FASTKD3: variants seen among roughly 807,000 people sequenced by gnomAD.
The protein encoded by FASTKD3 is FAST kinase domains 3, also known as FAST kinase domain-containing protein 3, mitochondrial.
In FASTKD3, 47 loss-of-function variants were observed where a neutral mutation model predicts 49.7. The observed-to-expected ratio is 0.95, with a 90% CI of 0.75 to 1.21. The LOEUF (loss-of-function observed/expected upper bound fraction) is 1.21, where lower values mean the gene tolerates loss of function less well. Ranked by LOEUF, FASTKD3 falls within the 50% of genes most tolerant of loss-of-function variation. The pLI is 0.00. For synonymous variants in FASTKD3, 284 were observed against 288.6 expected (o/e 0.98, Z 0.16); for missense variants, 748 against 765.7 (o/e 0.98, Z 0.27).
chr5:7,867,585 C>T lies in FASTKD3; in HGVS notation c.499G>A (p.Glu167Lys). ...TTTGACAGCTGTGAGGGCTCCTTTT[C>T]AAACTGAAAGCATAAAGCTTGAAAG... Reference protein sequence around the residue: ...SIFQALCFQFEKEPSQLSNTS... With the variant: ...SIFQALCFQFKKEPSQLSNTS... Residue 167 changes from glutamate (E) to lysine (K), a missense_variant, in exon 2 of 7, where the codon GAA becomes AAA. Physicochemically the swap from Glu to Lys is moderately conservative, Grantham distance 56 (BLOSUM62 1). Coordinates refer to ENST00000264669, the MANE Select transcript of FASTKD3 (RefSeq NM_024091.4). The T allele has an allele frequency of 6.2e-7, 1 of 1,614,274 alleles. No homozygotes were observed. The highest frequency in any genetic ancestry group is 8.5e-7 in the Non-Finnish European group (1 of 1,180,052).
chr5:7,861,414 A>G lies in FASTKD3; in HGVS notation c.1770-151T>C, dbSNP rs1292239120. Reference sequence around the variant, plus strand: ...GAATCATGAATTTGATCTTATTAATATTAATGTTTATAAAATATTACAAGG... The same window carrying G: ...GAATCATGAATTTGATCTTATTAATGTTAATGTTTATAAAATATTACAAGG... On this transcript the variant is annotated intron_variant, in intron 5 of 6. Transcript: ENST00000264669. The G allele has an allele frequency of 5.0e-6, 3 of 603,162 alleles. No individual in the cohort carries two copies. In the African/African-American group the frequency reaches 5.7e-5, roughly 11 times the overall value. 37.4% of individuals were successfully genotyped at this position (603,162 alleles called of 1,614,324 possible). A position where few individuals can be genotyped will look rare whatever the true frequency, so the allele number is the denominator to read the frequency against.
At position 7,859,551 on chromosome 5, in the gene FASTKD3, G is replaced by C. The variant is rs898654218; in HGVS notation, c.1885-12C>G. 13 of 1,540,266 alleles carry C rather than the reference G, an allele frequency of 8.4e-6. 1 individual carries two copies. In the South Asian group the frequency reaches 1.5e-4, roughly 18 times the overall value. On this transcript the variant is annotated splice_polypyrimidine_tract_variant and intron_variant, in intron 6 of 6. Transcript: ENST00000264669. Reference sequence around the variant, plus strand: ...TCATGATAGGGGATCTGTAAAGGTAGAAAAGTAAAACTGGTCAAGATCCTT... The same window carrying C: ...TCATGATAGGGGATCTGTAAAGGTACAAAAGTAAAACTGGTCAAGATCCTT...
Position 7,866,885 on chromosome 5 carries a change from G to C in FASTKD3, c.1199C>G (p.Thr400Arg). The C allele has an allele frequency of 6.2e-7, 1 of 1,614,032 alleles. No individual in the cohort carries two copies. The highest frequency in any genetic ancestry group is 8.5e-7 in the Non-Finnish European group (1 of 1,179,984). The stretch of plus-strand genomic sequence containing the variant: ...AATCTGACGAGGTGAAAATTTTTCT[G>C]TTTGGCAAACAAAAGTTTCTGCCAC... ...NAVAETFVCQ[T>R]EKFSPRQISA... The change falls in exon 2 of 7, where the codon ACA (threonine) becomes AGA (arginine). Residue 400 changes from threonine (T) to arginine (R), a missense_variant. By Grantham distance (71) the Thr-to-Arg change is moderately conservative. Coordinates refer to ENST00000264669, the MANE Select transcript of FASTKD3 (RefSeq NM_024091.4).
In FASTKD3 at chr5:7,869,027, G is replaced by C. The variant is rs375444705; in HGVS notation, c.-162C>G. 8 of 1,356,066 alleles carry C rather than the reference G, an allele frequency of 5.9e-6. No individual in the cohort carries two copies. The South Asian group carries it at 7.0e-5, about 12-fold the overall frequency. 84.0% of individuals were successfully genotyped at this position (1,356,066 alleles called of 1,614,324 possible). A position where few individuals can be genotyped will look rare whatever the true frequency, so the allele number is the denominator to read the frequency against. ...CGGGTGGTCGCGGAAGCGCCTGGGC[G>C]TCGTGGGCCTCCGTAGCAAACGCGG... On this transcript the variant is annotated 5_prime_UTR_variant, in exon 1 of 7. Coordinates refer to ENST00000264669, the MANE Select transcript of FASTKD3 (RefSeq NM_024091.4).
intron 1 of FASTKD3, among the ~76,000 whole-genome samples, 179 bp from the exon 2 acceptor site, chr5:7,868,375 A>T (rs1391354273): frequency 6.6e-6 from 1 of 152,150 alleles, no homozygotes; most frequent in Non-Finnish European, 1.5e-5. Context: ...TTTTACTATC[A>T]TTTTACACGA....
At position 7,869,005 on chromosome 5, in the gene FASTKD3, G is replaced by A. The variant is rs772983940; in HGVS notation, c.-140C>T. The A allele has an allele frequency of 3.8e-6, 4 of 1,062,456 alleles. No homozygotes were observed. The highest frequency in any genetic ancestry group is 2.5e-5 in the South Asian group (2 of 79,490). The allele number at this position is 1,062,456 out of a possible 1,614,324, so 65.8% of individuals were successfully genotyped here. A position where few individuals can be genotyped will look rare whatever the true frequency, so the allele number is the denominator to read the frequency against. On this transcript the variant is annotated 5_prime_UTR_variant, in exon 1 of 7. Coordinates refer to ENST00000264669, the MANE Select transcript of FASTKD3 (RefSeq NM_024091.4). ...GCGCTCTGCCGGGCAATCACTCCGG[G>A]TGGTCGCGGAAGCGCCTGGGCGTCG...
chr5:7,862,765 C>T, intron 4 of FASTKD3, 58 bp downstream of exon 4: 1 of 1,440,096 alleles, frequency 6.9e-7, no homozygotes, highest in Non-Finnish European at 9.6e-7. Flanking sequence ...TCCCATATAT[C>T]TCCAAAATCG....
chr5:7,868,238 TAAA>T (rs2126622448), intron 1 of FASTKD3, 42 bp from the exon 2 acceptor site: 1 of 579,808 alleles, frequency 1.7e-6, no homozygotes, highest in East Asian at 2.9e-5. Flanking sequence ...GGTTAACATA[TAAA>T]CACCAGAGGG....
At chr5:7,863,828 T>C (rs1746729112) in intron 3 of FASTKD3, among the ~76,000 whole-genome samples, 1 of 152,098 alleles carries the variant, frequency 6.6e-6, no homozygotes, top group Non-Finnish European at 1.5e-5. Context: ...CTGAGAGTAC[T>C]TTTTTACCTT....
In FASTKD3 at chr5:7,861,618, T is replaced by C; in HGVS notation, c.1734A>G (p.Val578=). 1 of 1,608,180 alleles carries C rather than the reference T, an allele frequency of 6.2e-7. No individual in the cohort carries two copies. Residue 578 remains valine, a synonymous_variant, in exon 5 of 7, where the codon GTA becomes GTG. Transcript: ENST00000264669. ...TATCTTCATTAGCTGTGGATGGCAA[T>C]ACAAATCCTTCTTCATCTAATTTAA... ...VEIKLDEEGF[V]LPSTANEDIH... is the part of the protein sequence containing the mutation.
chr5:7,864,763 G>A (rs904924653), intron 3 of FASTKD3, among the ~76,000 whole-genome samples: 8 of 151,170 alleles, frequency 5.3e-5, no homozygotes, highest in African/African-American at 9.9e-5. Context: ...GAGGAGACAT[G>A]GCCACCTTCA....
chr5:7,868,853 C>G (rs1579571004), intron 1 of FASTKD3, 126 bp downstream of exon 1: 3 of 543,356 alleles, frequency 5.5e-6, no homozygotes, highest in Admixed American at 3.1e-5. Context: ...GCGAGCACCC[C>G]CAAACTCGGC....
chr5:7,868,903 A>G, intron 1 of FASTKD3, 76 bp downstream of exon 1: 1 of 598,278 alleles, frequency 1.7e-6, no homozygotes, highest in South Asian at 1.9e-5. Context: ...CGGGCGGCGC[A>G]GCCTGAGGAG....
At chr5:7,861,029 G>T in intron 6 of FASTKD3, 120 bp downstream of exon 6, 1 of 619,162 alleles carries the variant, frequency 1.6e-6, no homozygotes, top group Non-Finnish European at 2.9e-6. Flanking sequence ...AATAATTGCT[G>T]CCTGATCAAA....
chr5:7,861,365 T>C (rs1746518016), intron 5 of FASTKD3, 102 bp from the exon 6 acceptor site: 1 of 621,408 alleles, frequency 1.6e-6, no homozygotes, highest in East Asian at 3.0e-5. Context: ...TGGCTATTAC[T>C]ATGTGCCAAT....
rs749034532 is a variant in FASTKD3, at chr5:7,867,532, A to G, written c.552T>C (p.Ala184=). 6.2e-7 allele frequency: 1 copy of G among 1,614,248 alleles called. No individual in the cohort carries two copies. The highest frequency in any genetic ancestry group is 1.1e-5 in the South Asian group (1 of 91,086). The change falls in exon 2 of 7, where the codon GCT becomes GCC. Residue 184 remains alanine, a synonymous_variant. Coordinates refer to ENST00000264669, the MANE Select transcript of FASTKD3 (RefSeq NM_024091.4). ...GAGGATCCACATGCAACAGAATCAG[A>G]GCTTGCAAAGCAGTCACTAAACTAG... ...SNTSLVTALQ[A]LILLHVDPQS... is the part of the protein sequence containing the mutation.
chr5:7,865,332 T>A (rs926447754), intron 3 of FASTKD3, among the ~76,000 whole-genome samples: 1 of 152,126 alleles, frequency 6.6e-6, no homozygotes, highest in African/African-American at 2.4e-5. Context: ...TAAACTATGA[T>A]TCAGAGTCAA....
At position 7,867,323 on chromosome 5, in the gene FASTKD3, T is replaced by A; in HGVS notation, c.761A>T (p.Glu254Val). 6.2e-7 allele frequency: 1 copy of A among 1,614,006 alleles called. No individual in the cohort carries two copies. Among genetic ancestry groups the A allele is most frequent in the Non-Finnish European group, 8.5e-7 (1 of 1,180,028 alleles). The change falls in exon 2 of 7, where the codon GAG becomes GTG. Residue 254 changes from glutamate to valine, a missense_variant. Glu to Val is a moderately radical substitution (Grantham distance 121). Transcript: ENST00000264669. ...GATTCTATAAAGGGCCACAATATCC[T>A]CCGGGGTAAATGTTTCCAATTTTTC... ...QGEKLETFTP[E>V]DIVALYRILQ...
rs777011399 is a variant in FASTKD3, at chr5:7,867,701, G to A, written c.383C>T (p.Thr128Ile). The change falls in exon 2 of 7, where the codon ACT becomes ATT. Residue 128 changes from threonine to isoleucine, a missense_variant. Around this residue, in one of 3 missense-constraint regions of FASTKD3, gnomAD observed 564 missense variants for 562.8 expected, o/e 1.00. Coordinates refer to ENST00000264669, the MANE Select transcript of FASTKD3 (RefSeq NM_024091.4). ...TCGTTGTAAAGCTCCTGCTGCCATA[G>A]TGTCAGGCAGGGTTTCCATCGTGCT... Reference protein sequence around the residue: ...FISTMETLPDTMAAGALQRIC... With the variant: ...FISTMETLPDIMAAGALQRIC... The A allele has an allele frequency of 1.9e-6, 3 of 1,614,040 alleles. No homozygotes were observed. In the African/African-American group the frequency reaches 4.0e-5, roughly 22 times the overall value.
Sources: allele counts gnomAD v4.1 joint callset (sites outside exome capture counted in the v4.1 genomes callset), GRCh38; gene constraint gnomAD v4.1.1; regional missense constraint gnomAD v4.1.1; transcripts MANE v1.5; gene names NCBI Gene and HGNC (gene_info 2026-07-23, HGNC 2026-07-21).